EVI5: variants seen among roughly 807,000 people sequenced by gnomAD.
EVI5 encodes the protein ecotropic viral integration site 5.
A neutral mutation model predicts 112.0 loss-of-function variants in EVI5; 73 were observed. That is an observed-to-expected ratio of 0.65 (90% CI 0.54 to 0.79). The LOEUF (loss-of-function observed/expected upper bound fraction) is 0.79, where lower values mean the gene tolerates loss of function less well. Among genes scored for constraint, EVI5 ranks in the 30% least tolerant of loss-of-function variants. EVI5 has a pLI of 0.00. For missense variants in EVI5, 900 were observed against 968.8 expected (o/e 0.93, Z 0.94); for synonymous variants, 305 against 319.9 (o/e 0.95, Z 0.50).
chr1:92,581,693 T>TA (rs1553190265), intron 18 of EVI5, among the ~76,000 whole-genome samples: 3,332 of 148,800 alleles, frequency 0.022, 39 homozygotes, highest in African/African-American at 0.026. Flanking sequence ...AGTTTTTGCT[T>TA]AAAAAAAAAA....
chr1:92,670,211 A>C (rs374433474), intron 10 of EVI5, among the ~76,000 whole-genome samples: 1 of 152,252 alleles, frequency 6.6e-6, no homozygotes, highest in African/African-American at 2.4e-5. Flanking sequence ...CAAAGATGTT[A>C]ACCATTAGCA....
At chr1:92,736,231 T>C (rs1677407511) in intron 2 of EVI5, among the ~76,000 whole-genome samples, 167 bp downstream of exon 2, 1 of 151,960 alleles carries the variant, frequency 6.6e-6, no homozygotes, top group Non-Finnish European at 1.5e-5. Flanking sequence ...CAGAAGAAAA[T>C]GTTAGTCTCT....
rs1666439822 is a variant in EVI5 at position 92,549,655 on chromosome 1, A to T, written c.2166+13987T>A. On this transcript the variant is annotated intron_variant, in intron 19 of 19. Coordinates refer to ENST00000684568, the MANE Select transcript of EVI5 (RefSeq NM_001350197.2). ...AAGAACTCAAACAAATTTACAAGAAAAAAACAAACAACCCCATCAAAAAGT... is the reference window on the plus strand; with the variant it reads ...AAGAACTCAAACAAATTTACAAGAATAAAACAAACAACCCCATCAAAAAGT... 5.9e-5 allele frequency among the ~76,000 whole-genome samples: 9 copies of T among 152,326 alleles called. No individual in the cohort carries two copies. The South Asian group carries it at 1.9e-3, about 32-fold the overall frequency.
chr1:92,695,202 T>G (rs932466207), intron 7 of EVI5, 108 bp downstream of exon 7: 7 of 848,454 alleles, frequency 8.3e-6, no homozygotes, highest in Non-Finnish European at 1.1e-5. Flanking sequence ...GTAAGCAGTT[T>G]TGCATGGGAC....
At chr1:92,591,809 C>T (rs990678064) in intron 18 of EVI5, among the ~76,000 whole-genome samples, 2 of 152,176 alleles carry the variant, frequency 1.3e-5, no homozygotes, top group East Asian at 3.8e-4. Context: ...AATATACATT[C>T]TTTTCAGCAC....
chr1:92,595,207 C>T (rs1341067712), intron 18 of EVI5, among the ~76,000 whole-genome samples: 1 of 151,838 alleles, frequency 6.6e-6, no homozygotes, highest in Non-Finnish European at 1.5e-5. Flanking sequence ...AAATGTGGCA[C>T]ATATATACCA....
At chr1:92,678,927 G>C (rs745327847) in intron 9 of EVI5, among the ~76,000 whole-genome samples, 5 of 152,170 alleles carry the variant, frequency 3.3e-5, no homozygotes, top group South Asian at 2.1e-4. Flanking sequence ...TCACAGATTT[G>C]ACTGCTACAT....
chr1:92,735,632 TATATGTCATA>T lies in EVI5; in HGVS notation c.149+756_149+765del, dbSNP rs1405741996. On this transcript the variant is annotated intron_variant, in intron 2 of 19. Coordinates refer to ENST00000684568, the MANE Select transcript of EVI5 (RefSeq NM_001350197.2). The stretch of plus-strand genomic sequence containing the variant: ...TTATATATAATTATATGATATATGA[TATATGTCATA>T]TATATATATAATTATATAATTCAAC... Among the ~76,000 whole-genome samples, 86 of 35,502 alleles carry T rather than the reference TATATGTCATA, an allele frequency of 2.4e-3. 1 individual carries two copies. In the South Asian group the frequency reaches 0.13, roughly 54 times the overall value. The allele number at this position is 35,502 out of a possible 152,430, so 23.3% of individuals were successfully genotyped here.
Position 92,785,051 on chromosome 1 carries a change from C to T in EVI5, c.-297G>A. The T allele has an allele frequency of 1.0e-6, 1 of 985,636 alleles. No individual in the cohort carries two copies. Among genetic ancestry groups the T allele is most frequent in the South Asian group, 4.7e-5 (1 of 21,290 alleles). 61.1% of individuals were successfully genotyped at this position (985,636 alleles called of 1,614,324 possible). A position where few individuals can be genotyped will look rare whatever the true frequency, so the allele number is the denominator to read the frequency against. ...CCGCTGTCGGAACTGCAGCCAGCCCCTTGCCAGCTGGCCAGCTGGTTCCTC... is the reference window on the plus strand; with the variant it reads ...CCGCTGTCGGAACTGCAGCCAGCCCTTTGCCAGCTGGCCAGCTGGTTCCTC... On this transcript the variant is annotated 5_prime_UTR_variant, in exon 1 of 20. Coordinates refer to ENST00000684568, the MANE Select transcript of EVI5 (RefSeq NM_001350197.2).
intron 9 of EVI5, among the ~76,000 whole-genome samples, chr1:92,681,014 T>C (rs1375983590): frequency 6.6e-6 from 1 of 152,176 alleles, no homozygotes; most frequent in Non-Finnish European, 1.5e-5. Flanking sequence ...TTATACAGCA[T>C]ATTATTGGGA....
intron 18 of EVI5, among the ~76,000 whole-genome samples, chr1:92,571,351 C>G (rs1314176867): frequency 6.6e-6 from 1 of 151,638 alleles, no homozygotes; most frequent in Non-Finnish European, 1.5e-5. Flanking sequence ...GTGTGACGGA[C>G]CAGTTAGAAA....
At chr1:92,676,637 G>T (rs1666793924) in intron 10 of EVI5, among the ~76,000 whole-genome samples, 1 of 152,054 alleles carries the variant, frequency 6.6e-6, no homozygotes, top group Non-Finnish European at 1.5e-5. Context: ...GTACATATAG[G>T]GTATTTATAT....
intron 19 of EVI5, among the ~76,000 whole-genome samples, chr1:92,561,592 T>TA (rs773329362): frequency 2.1e-4 from 31 of 149,994 alleles, no homozygotes; most frequent in African/African-American, 3.4e-4. Flanking sequence ...TCTATCTATC[T>TA]ATCTATCTAA....
chr1:92,657,318 A>T (rs1663173741), intron 13 of EVI5, among the ~76,000 whole-genome samples: 1 of 152,246 alleles, frequency 6.6e-6, no homozygotes. Context: ...AGCACTTGAT[A>T]AAATTCGGCA....
At chr1:92,514,357 T>G (rs1041752198) in intron 19 of EVI5, among the ~76,000 whole-genome samples, 1 of 152,128 alleles carries the variant, frequency 6.6e-6, no homozygotes, top group Admixed American at 6.5e-5. Flanking sequence ...GGTTTCACCA[T>G]GTTGCCCAGG....
Position 92,703,602 on chromosome 1 carries a change from C to T in EVI5, c.357G>A (p.Gly119=). 6.3e-7 allele frequency: 1 copy of T among 1,577,922 alleles called. No homozygotes were observed. Among genetic ancestry groups the T allele is most frequent in the African/African-American group, 1.4e-5 (1 of 72,750 alleles). Reference sequence around the variant, plus strand: ...CTATTGCTCTAAAGTGATGGGGTATCCCTTTATGAACAAGTTCCTAAAAAT... The same window carrying T: ...CTATTGCTCTAAAGTGATGGGGTATTCCTTTATGAACAAGTTCCTAAAAAT... ...EKQVKELVHK[G]IPHHFRAIVW... The change falls in exon 4 of 20, where the codon GGG becomes GGA. Residue 119 remains glycine, a synonymous_variant. Coordinates refer to ENST00000684568, the MANE Select transcript of EVI5 (RefSeq NM_001350197.2).
chr1:92,612,110 T>C (rs1651967047), intron 16 of EVI5, among the ~76,000 whole-genome samples: 1 of 152,130 alleles, frequency 6.6e-6, no homozygotes, highest in Non-Finnish European at 1.5e-5. Flanking sequence ...CCCTTCTAAA[T>C]GTTTGGAAAG....
At chr1:92,682,333 G>A (rs1667729888) in intron 9 of EVI5, among the ~76,000 whole-genome samples, 1 of 152,068 alleles carries the variant, frequency 6.6e-6, no homozygotes, top group South Asian at 2.1e-4. Context: ...CCTTTATCTG[G>A]CTTTGTTTTC....
chr1:92,706,733 C>T (rs1672028689), intron 2 of EVI5, among the ~76,000 whole-genome samples: 1 of 152,246 alleles, frequency 6.6e-6, no homozygotes, highest in South Asian at 2.1e-4. Context: ...TGAAATAGCA[C>T]ATCCAATTAT....
Sources: allele counts gnomAD v4.1 joint callset (sites outside exome capture counted in the v4.1 genomes callset), GRCh38; gene constraint gnomAD v4.1.1; transcripts MANE v1.5; gene names NCBI Gene and HGNC (gene_info 2026-07-23, HGNC 2026-07-21).